Variants in MSI2 observed in about 807,000 individuals in gnomAD.
The protein encoded by MSI2 is musashi RNA binding protein 2, also known as RNA-binding protein Musashi homolog 2.
A neutral mutation model predicts 45.6 loss-of-function variants in MSI2; 17 were observed. That is an observed-to-expected ratio of 0.37 (90% CI 0.26 to 0.56). The LOEUF is 0.56. Ranked by LOEUF, MSI2 falls within the 20% of genes least tolerant of loss-of-function variation. The pLI is 0.77. For missense variants in MSI2, 293 were observed against 444.2 expected (o/e 0.66, Z 3.06); for synonymous variants, 156 against 158.2 (o/e 0.99, Z 0.11).
chr17:57,324,486 G>A (rs1913623453), intron 5 of MSI2, among the ~76,000 whole-genome samples: 1 of 151,756 alleles, frequency 6.6e-6, no homozygotes, highest in African/African-American at 2.4e-5. Context: ...GAGCCAGCAG[G>A]TAAGATGGGG....
intron 1 of MSI2, 64 bp downstream of exon 1, chr17:57,256,868 G>C (rs1906775668): frequency 4.7e-6 from 6 of 1,289,506 alleles, no homozygotes; most frequent in Non-Finnish European, 6.2e-6. Flanking sequence ...CGGCGGGGAC[G>C]GCGGTGCGCG....
chr17:57,326,955 G>A (rs1474376611), intron 5 of MSI2, among the ~76,000 whole-genome samples: 1 of 152,190 alleles, frequency 6.6e-6, no homozygotes, highest in Admixed American at 6.5e-5. Context: ...GTTTTTGATA[G>A]GGTGATAAAA....
chr17:57,595,752 G>A (rs1481484550), intron 7 of MSI2, among the ~76,000 whole-genome samples: 3 of 152,160 alleles, frequency 2.0e-5, no homozygotes, highest in African/African-American at 7.2e-5. Flanking sequence ...GCAAGGGGCA[G>A]CCACAAACAT....
At chr17:57,665,826 C>T (rs1392837649) in intron 11 of MSI2, among the ~76,000 whole-genome samples, 1 of 152,144 alleles carries the variant, frequency 6.6e-6, no homozygotes, top group Non-Finnish European at 1.5e-5. Context: ...CCAGGGTTAA[C>T]CAGGGCTTAC....
At chr17:57,336,718 G>T (rs951837870) in intron 5 of MSI2, among the ~76,000 whole-genome samples, 2 of 152,188 alleles carry the variant, frequency 1.3e-5, no homozygotes, top group Non-Finnish European at 2.9e-5. Flanking sequence ...AGTAATTAAA[G>T]AAATATTATA....
At chr17:57,470,348 G>A (rs1021352309) in intron 6 of MSI2, among the ~76,000 whole-genome samples, 1 of 152,132 alleles carries the variant, frequency 6.6e-6, no homozygotes, top group East Asian at 1.9e-4. Context: ...TGTGATCTCA[G>A]CTTACTGCAG....
intron 5 of MSI2, among the ~76,000 whole-genome samples, chr17:57,339,872 C>T (rs1027500609): frequency 1.3e-5 from 2 of 152,126 alleles, no homozygotes; most frequent in Non-Finnish European, 2.9e-5. Context: ...TCCTGGAAAA[C>T]CATTTTCCCA....
chr17:57,338,896 GGA>G (rs1259153662), intron 5 of MSI2, among the ~76,000 whole-genome samples: 2 of 152,144 alleles, frequency 1.3e-5, no homozygotes, highest in African/African-American at 4.8e-5. Flanking sequence ...TCCTTTGCAA[GGA>G]GAGTCCTTTA....
chr17:57,408,397 A>G (rs1417103764), intron 6 of MSI2, among the ~76,000 whole-genome samples: 1 of 152,240 alleles, frequency 6.6e-6, no homozygotes, highest in African/African-American at 2.4e-5. Flanking sequence ...GTGCTAATCA[A>G]ATGCCATGTG....
chr17:57,693,333 C>A, the MSI2 span, among the ~76,000 whole-genome samples: 227 of 152,220 alleles, frequency 1.5e-3, no homozygotes, highest in African/African-American at 5.2e-3. Flanking sequence ...CAAGTGTGTG[C>A]ACCACACCTG....
At chr17:57,333,131 C>T (rs1007863497) in intron 5 of MSI2, among the ~76,000 whole-genome samples, 5 of 152,138 alleles carry the variant, frequency 3.3e-5, no homozygotes, top group African/African-American at 1.2e-4. Context: ...GTTGCTAAAC[C>T]TCTTTGTTCC....
intron 5 of MSI2, among the ~76,000 whole-genome samples, chr17:57,270,934 G>T (rs569208368): frequency 6.6e-6 from 1 of 152,174 alleles, no homozygotes; most frequent in East Asian, 1.9e-4. Context: ...CCTGGCTCTC[G>T]AGGCGAGATA....
At chr17:57,438,602 A>G (rs897999295) in intron 6 of MSI2, among the ~76,000 whole-genome samples, 3 of 152,154 alleles carry the variant, frequency 2.0e-5, no homozygotes, top group African/African-American at 7.2e-5. Flanking sequence ...CAGGAAGGTC[A>G]GGCCTGTTTT....
At chr17:57,616,591 T>G (rs1053913043) in intron 9 of MSI2, 2 of 151,090 alleles carry the variant, frequency 1.3e-5, no homozygotes, top group African/African-American at 4.9e-5. Context: ...AATTTGCATT[T>G]AAATGGATGT....
At chr17:57,513,696 A>AC (rs2086406958) in intron 6 of MSI2, among the ~76,000 whole-genome samples, 1 of 151,698 alleles carries the variant, frequency 6.6e-6, no homozygotes, top group Non-Finnish European at 1.5e-5. Context: ...AGGGAGCCTC[A>AC]CCCCCCTCCC....
At chr17:57,435,059 T>C (rs1176612308) in intron 6 of MSI2, among the ~76,000 whole-genome samples, 1 of 152,206 alleles carries the variant, frequency 6.6e-6, no homozygotes, top group Non-Finnish European at 1.5e-5. Context: ...AAATTTCCAC[T>C]AATGTAAGAG....
chr17:57,454,123 C>T (rs544520694), intron 6 of MSI2, among the ~76,000 whole-genome samples: 2 of 152,208 alleles, frequency 1.3e-5, no homozygotes, highest in African/African-American at 2.4e-5. Context: ...AGGACTGGCT[C>T]GCTCCAGGAG....
chr17:57,399,025 A>T (rs1283270585), intron 5 of MSI2, among the ~76,000 whole-genome samples: 3 of 152,228 alleles, frequency 2.0e-5, no homozygotes, highest in African/African-American at 7.2e-5. Context: ...AAATTTGGTG[A>T]TTCATGAGTG....
chr17:57,405,895 T>G (rs527732529), intron 6 of MSI2, among the ~76,000 whole-genome samples: 1 of 152,216 alleles, frequency 6.6e-6, no homozygotes, highest in African/African-American at 2.4e-5. Context: ...AGATCTATTA[T>G]GTAGGTGGTG....
Sources: gnomAD v4.1 joint callset for allele counts (sites outside exome capture counted in the v4.1 genomes callset) on GRCh38, gnomAD v4.1.1 for gene constraint, MANE v1.5 for transcripts, NCBI Gene and HGNC (gene_info 2026-07-23, HGNC 2026-07-21) for gene names.